Variants in ITPR1 observed in about 807,000 individuals in gnomAD.
ITPR1 encodes the protein inositol 1,4,5-trisphosphate-gated calcium channel ITPR1.
A neutral mutation model predicts 318.4 loss-of-function variants in ITPR1; 96 were observed. That is an observed-to-expected ratio of 0.30 (90% CI 0.26 to 0.36). ITPR1 has a LOEUF of 0.36. ITPR1 is among the 10% of genes least tolerant of loss of function. The probability of loss-of-function intolerance (pLI) is 1.00; values close to 1 mark genes in which losing one functional copy is unlikely to be tolerated. For synonymous variants in ITPR1, 1,312 were observed against 1,289.9 expected (o/e 1.02, Z -0.37); for missense variants, 2,440 against 3,460.2 (o/e 0.71, Z 7.40).
intron 55 of ITPR1, among the ~76,000 whole-genome samples, chr3:4,810,025 G>A (rs535475904): frequency 2.0e-5 from 3 of 152,240 alleles, no homozygotes; most frequent in Admixed American, 1.3e-4. Context: ...CCAATCGACC[G>A]GAAAATGACC....
At chr3:4,832,154 G>A in intron 60 of ITPR1, among the ~76,000 whole-genome samples, 1 of 152,200 alleles carries the variant, frequency 6.6e-6, no homozygotes, top group Non-Finnish European at 1.5e-5. Flanking sequence ...GTGCAGAAAA[G>A]ATAAGAATGC....
chr3:4,643,178 G>C (rs532331745), intron 7 of ITPR1, among the ~76,000 whole-genome samples: 4 of 152,186 alleles, frequency 2.6e-5, no homozygotes, highest in Non-Finnish European at 4.4e-5. Flanking sequence ...GAAAAGCCCA[G>C]TAAAACTTAG....
In ITPR1 at chr3:4,493,503, A is replaced by G. The variant is rs2080298476; in HGVS notation, c.-195A>G. 6.5e-6 allele frequency: 1 copy of G among 153,598 alleles called. No individual in the cohort carries two copies. The allele number at this position is 153,598 out of a possible 1,614,324, so 9.5% of individuals were successfully genotyped here. A position where few individuals can be genotyped will look rare whatever the true frequency, so the allele number is the denominator to read the frequency against. On this transcript the variant is annotated 5_prime_UTR_variant, in exon 1 of 62. Transcript: ENST00000649015. ...GGTGTGGGTGTTCCGCTTCCATCCT[A>G]ACGGAACGAGCTCCCTCTTCGCGGA...
In ITPR1 at chr3:4,693,639, G is replaced by A; in HGVS notation, c.4179G>A (p.Val1393=). The part of the protein sequence containing the change: ...YHIHLVELLA[V]CTEGKNVYTE... The stretch of plus-strand genomic sequence containing the variant: ...TCCACTTGGTCGAGCTCCTGGCTGT[G>A]TGCACGGAGGGTAAGAATGTCTACA... Residue 1393 remains valine, a synonymous_variant, in exon 33 of 62, where the codon GTG becomes GTA. Transcript: ENST00000649015. The A allele has an allele frequency of 6.2e-7, 1 of 1,614,052 alleles. No individual in the cohort carries two copies. Among genetic ancestry groups the A allele is most frequent in the Non-Finnish European group, 8.5e-7 (1 of 1,179,904 alleles).
chr3:4,574,440 G>C (rs542160404), intron 4 of ITPR1, among the ~76,000 whole-genome samples: 14 of 152,276 alleles, frequency 9.2e-5, no homozygotes, highest in African/African-American at 3.4e-4. Context: ...GAGATGGTCG[G>C]TTGACAAGTC....
chr3:4,706,138 G>C, intron 36 of ITPR1, 29 bp from the exon 37 acceptor site: 2 of 1,613,526 alleles, frequency 1.2e-6, no homozygotes, highest in Non-Finnish European at 1.7e-6. Flanking sequence ...AAAAGTTGTA[G>C]GCTCACGACT....
At chr3:4,625,708 C>G (rs2092803745) in intron 4 of ITPR1, among the ~76,000 whole-genome samples, 1 of 152,134 alleles carries the variant, frequency 6.6e-6, no homozygotes, top group African/African-American at 2.4e-5. Flanking sequence ...AGGCGCCCGC[C>G]ACCACGCCCG....
In ITPR1 at chr3:4,660,990, A is replaced by G. The variant is rs1303825059; in HGVS notation, c.1154A>G (p.Asn385Ser). 3 of 1,548,000 alleles carry G rather than the reference A, an allele frequency of 1.9e-6. No individual in the cohort carries two copies. Among genetic ancestry groups the G allele is most frequent in the Non-Finnish European group, 1.8e-6 (2 of 1,127,778 alleles). The part of the protein sequence containing the change: ...LRGGDSLVPR[N>S]SYVRLRHLCT... ...AACCCTCCTTTTTTCCCTGTTAGGAACTCTTATGTTCGGCTCAGACACCTA... is the reference window on the plus strand; with the variant it reads ...AACCCTCCTTTTTTCCCTGTTAGGAGCTCTTATGTTCGGCTCAGACACCTA... Residue 385 changes from asparagine to serine, a missense_variant and splice_region_variant, in exon 14 of 62, where the codon AAC becomes AGC. Around this residue, in one of 23 missense-constraint regions of ITPR1, gnomAD observed 101 missense variants for 119.6 expected, o/e 0.84. Transcript: ENST00000649015.
At chr3:4,814,981 G>A in intron 58 of ITPR1, 72 bp from the exon 59 acceptor site, 3 of 1,296,268 alleles carry the variant, frequency 2.3e-6, no homozygotes, top group Non-Finnish European at 3.2e-6. Flanking sequence ...TCTCACTTGA[G>A]CTGTGCCCCA....
chr3:4,609,301 T>C (rs1186895075), intron 4 of ITPR1, among the ~76,000 whole-genome samples: 2 of 151,488 alleles, frequency 1.3e-5, no homozygotes, highest in Non-Finnish European at 2.9e-5. Flanking sequence ...ATATTTGGAC[T>C]GAAAAAACCT....
chr3:4,510,349 T>C (rs2081715854), intron 2 of ITPR1, among the ~76,000 whole-genome samples: 1 of 152,208 alleles, frequency 6.6e-6, no homozygotes, highest in South Asian at 2.1e-4. Flanking sequence ...GTCTGATTTA[T>C]GTTTCTAAAA....
intron 44 of ITPR1, among the ~76,000 whole-genome samples, chr3:4,743,751 A>AG (rs753111596): frequency 6.6e-6 from 1 of 151,996 alleles, no homozygotes; most frequent in Non-Finnish European, 1.5e-5. Flanking sequence ...GGGAAGGGGG[A>AG]GGGGAAGAAC....
chr3:4,516,486 A>G lies in ITPR1; in HGVS notation c.-6A>G. ...TTTTACTTTGTCTAGGATTTTCAAG[A>G]AAGACATGTCTGACAAAATGTCTAG... On this transcript the variant is annotated 5_prime_UTR_variant, in exon 3 of 62. Coordinates refer to ENST00000649015, the MANE Select transcript of ITPR1 (RefSeq NM_001378452.1). 1 of 1,536,844 alleles carries G rather than the reference A, an allele frequency of 6.5e-7. No homozygotes were observed.
At chr3:4,563,636 G>A (rs1442911940) in intron 4 of ITPR1, among the ~76,000 whole-genome samples, 5 of 152,184 alleles carry the variant, frequency 3.3e-5, no homozygotes, top group Non-Finnish European at 5.9e-5. Context: ...TGCAGAGTAC[G>A]TGTTTCTGGT....
At chr3:4,590,174 CTTTTTTTT>C (rs10713337) in intron 4 of ITPR1, among the ~76,000 whole-genome samples, 64 of 87,456 alleles carry the variant, frequency 7.3e-4, no homozygotes, top group Non-Finnish European at 7.5e-4. Context: ...CTTCGTCTTG[CTTTTTTTT>C]TTTTTTTTTT....
rs144724319 is a variant in ITPR1 at position 4,697,632 on chromosome 3, A to C, written c.4407+360A>C. On this transcript the variant is annotated intron_variant, in intron 34 of 61. Coordinates refer to ENST00000649015, the MANE Select transcript of ITPR1 (RefSeq NM_001378452.1). ...ATGCCTGGCTAATTTTTGTATTTTT[A>C]GTAGAAACAGGGTTTCATCATGTTG... 7.6e-3 allele frequency among the ~76,000 whole-genome samples: 1,154 copies of C among 151,678 alleles called. 19 individuals carry two copies. Among genetic ancestry groups the C allele is most frequent in the African/African-American group, 0.026 (1,096 of 41,372 alleles).
intron 60 of ITPR1, among the ~76,000 whole-genome samples, chr3:4,818,634 C>T (rs551802851): frequency 6.6e-6 from 1 of 152,212 alleles, no homozygotes; most frequent in South Asian, 2.1e-4. Flanking sequence ...TAAGAGGTGT[C>T]TTAGAGGCAA....
At chr3:4,810,535 TA>T (rs1212923698) in intron 55 of ITPR1, among the ~76,000 whole-genome samples, 1 of 152,258 alleles carries the variant, frequency 6.6e-6, no homozygotes, top group East Asian at 1.9e-4. Context: ...TTAACGTCAC[TA>T]ATGTCCCTGC....
intron 4 of ITPR1, among the ~76,000 whole-genome samples, chr3:4,527,960 C>A (rs1462174721): frequency 7.9e-5 from 12 of 152,154 alleles, no homozygotes; most frequent in Non-Finnish European, 2.9e-5. Context: ...CTCCCAGCAG[C>A]TTAGGAAGGG....
Sources: allele counts gnomAD v4.1 joint callset (sites outside exome capture counted in the v4.1 genomes callset), GRCh38; gene constraint gnomAD v4.1.1; regional missense constraint gnomAD v4.1.1; transcripts MANE v1.5; gene names NCBI Gene and HGNC (gene_info 2026-07-23, HGNC 2026-07-21).